The following TRIM29 variants were observed in gnomAD, a reference collection of about 807,000 sequenced individuals.
TRIM29 encodes tripartite motif-containing protein 29.
Under a neutral mutation model 57.3 loss-of-function variants are expected in TRIM29, and 52 were observed. The ratio of observed to expected loss-of-function variants is 0.91; its 90% confidence interval spans 0.73 to 1.14. TRIM29 has a LOEUF of 1.14. TRIM29 is among the 50% of genes most tolerant of loss of function. The pLI is 0.00. For synonymous variants in TRIM29, 319 were observed against 316.9 expected, an observed-to-expected ratio of 1.01 and a Z score of -0.07; for missense variants, 753 against 774.6, an observed-to-expected ratio of 0.97 and a Z score of 0.33.
chr11:120,125,914 A>T (rs963127980), intron 3 of TRIM29, 25 bp from the exon 4 acceptor site: 3 of 1,607,278 alleles, frequency 1.9e-6, no homozygotes, highest in Non-Finnish European at 2.6e-6. Context: ...AAGAACCATT[A>T]ACTGCCTGGG....
chr11:120,136,933 C>T (rs1414582719), intron 1 of TRIM29, among the ~76,000 whole-genome samples: 6 of 152,174 alleles, frequency 3.9e-5, no homozygotes, highest in Non-Finnish European at 7.3e-5. Context: ...TAACCTGACT[C>T]GAATTTATCC....
In TRIM29 at chr11:120,118,222, C is replaced by A; in HGVS notation, c.1627+1G>T. ...GCAGGGGCCAGGGTGGGCAAGCTCA[C>A]CTTTCAGGGAGAAGGAGGAGCTGCC... On this transcript the variant is annotated splice_donor_variant, in intron 7 of 8. Coordinates refer to ENST00000341846, the MANE Select transcript of TRIM29 (RefSeq NM_012101.4). LOFTEE classifies it high-confidence loss of function. 1 of 1,613,822 alleles carries A rather than the reference C, an allele frequency of 6.2e-7. No individual in the cohort carries two copies. The highest frequency in any genetic ancestry group is 8.5e-7 in the Non-Finnish European group (1 of 1,179,866).
At chr11:120,121,546 G>C (rs962257896) in intron 5 of TRIM29, 1 of 155,554 alleles carries the variant, frequency 6.4e-6, no homozygotes, top group African/African-American at 2.4e-5. Flanking sequence ...GGGATGCCGG[G>C]GGAACCTGTT....
At position 120,137,805 on chromosome 11, in the gene TRIM29, C is replaced by T. The variant is rs141867333; in HGVS notation, c.227G>A (p.Arg76Gln). The change falls in exon 1 of 9, where the codon CGG becomes CAG. Residue 76 changes from arginine to glutamine, a missense_variant. Physicochemically the swap from Arg to Gln is conservative, Grantham distance 43. Transcript: ENST00000341846. The surrounding 1 kb of genome is among the most constrained non-coding windows in gnomAD (Gnocchi z 6.2). ...RSALFAGNEW[R>Q]RPIIQFVESG... is the part of the protein sequence containing the mutation. ...CTCGACAAACTGGATGATGGGTCGC[C>T]GCCACTCATTGCCCGCGAACAGGGC... The T allele has an allele frequency of 1.9e-6, 3 of 1,612,480 alleles. No homozygotes were observed. The highest frequency in any genetic ancestry group is 2.5e-6 in the Non-Finnish European group (3 of 1,180,006).
rs201927870 is a variant in TRIM29, at chr11:120,115,300, T to C, written c.1704+38A>G. 1.0e-4 allele frequency: 162 copies of C among 1,600,642 alleles called. No homozygotes were observed. The East Asian group carries it at 2.7e-3, about 27-fold the overall frequency. On this transcript the variant is annotated intron_variant, in intron 8 of 8. Transcript: ENST00000341846. ...GAGCCCCCTTCAGTGCCCAGGTCTC[T>C]GGATGTGCCCAGGCCCTCCCGGCAG...
chr11:120,115,496 C>T (rs753379675), intron 7 of TRIM29, 82 bp from the exon 8 acceptor site: 30 of 1,200,868 alleles, frequency 2.5e-5, no homozygotes, highest in Non-Finnish European at 3.1e-5. Context: ...CAGCTGCCTT[C>T]TCCAAAGTGA....
In TRIM29 at chr11:120,137,606, G is replaced by A; in HGVS notation, c.426C>T (p.Ile142=). 2 of 1,613,568 alleles carry A rather than the reference G, an allele frequency of 1.2e-6. No individual in the cohort carries two copies. The highest frequency in any genetic ancestry group is 1.7e-6 in the Non-Finnish European group (2 of 1,179,992). The change falls in exon 1 of 9, where the codon ATC becomes ATT. Residue 142 remains isoleucine (I), a synonymous_variant. Transcript: ENST00000341846. This position sits in a 1 kb window ranked among gnomAD's most constrained non-coding sequence, Gnocchi z 6.2. Reference sequence around the variant, plus strand: ...TCCGCCGGGTCTCCCCGGGCTCCATGATGGACACCGTGGGCTTCCGGGACT... The same window carrying A: ...TCCGCCGGGTCTCCCCGGGCTCCATAATGGACACCGTGGGCTTCCGGGACT... ...FSESRKPTVS[I]MEPGETRRNS...
At chr11:120,122,535 G>A (rs1001513172) in intron 5 of TRIM29, among the ~76,000 whole-genome samples, 10 of 152,134 alleles carry the variant, frequency 6.6e-5, no homozygotes, top group Non-Finnish European at 1.5e-4. Context: ...ATGGTCCTGG[G>A]GTCGGCAGCC....
At position 120,118,263 on chromosome 11, in the gene TRIM29, G is replaced by T. The variant is rs775344837; in HGVS notation, c.1587C>A (p.Asp529Glu). 2.5e-6 allele frequency: 4 copies of T among 1,614,070 alleles called. No homozygotes were observed. The Admixed American group carries it at 5.0e-5, about 20-fold the overall frequency. The change falls in exon 7 of 9, where the codon GAC (aspartate) becomes GAA (glutamate). Residue 529 changes from aspartate to glutamate, a missense_variant. Coordinates refer to ENST00000341846, the MANE Select transcript of TRIM29 (RefSeq NM_012101.4). Reference sequence around the variant, plus strand: ...AGGAGCTGCCTTGGACGACGGGCAGGTCATTGTCAGAGTTCTGAATGCTGG... The same window carrying T: ...AGGAGCTGCCTTGGACGACGGGCAGTTCATTGTCAGAGTTCTGAATGCTGG... ...YSSSIQNSDN[D>E]LPVVQGSSSF...
At chr11:120,123,662 C>G (rs2135005091) in intron 4 of TRIM29, 1 of 353,238 alleles carries the variant, frequency 2.8e-6, no homozygotes, top group Non-Finnish European at 5.6e-6. Context: ...CTGCTCGACA[C>G]TTGACTTCCC....
At position 120,137,493 on chromosome 11, in the gene TRIM29, T is replaced by C. The variant is rs766745521; in HGVS notation, c.539A>G (p.Lys180Arg). The change falls in exon 1 of 9, where the codon AAG becomes AGG. Residue 180 changes from lysine to arginine, a missense_variant. Lys to Arg is a conservative substitution (Grantham distance 26). Coordinates refer to ENST00000341846, the MANE Select transcript of TRIM29 (RefSeq NM_012101.4). The surrounding 1 kb of genome is among the most constrained non-coding windows in gnomAD (Gnocchi z 6.2). Reference sequence around the variant, plus strand: ...CAGGCAGGACTTGACCGCCTTCTGCTTGTTGCCGATGCAGGAGTCGCACAG... The same window carrying C: ...CAGGCAGGACTTGACCGCCTTCTGCCTGTTGCCGATGCAGGAGTCGCACAG... ...EVLCDSCIGNKQKAVKSCLVC... is the reference protein window; with the variant it reads ...EVLCDSCIGNRQKAVKSCLVC... 2.5e-6 allele frequency: 4 copies of C among 1,602,496 alleles called. No individual in the cohort carries two copies. The highest frequency in any genetic ancestry group is 4.5e-5 in the East Asian group (2 of 44,796).
In TRIM29 at chr11:120,137,613, AC is replaced by A. The variant is rs760535127; in HGVS notation, c.418del (p.Val140CysfsTer119). On this transcript the variant is annotated frameshift_variant, in exon 1 of 9. Transcript: ENST00000341846. LOFTEE classifies it high-confidence loss of function. This position sits in a 1 kb window ranked among gnomAD's most constrained non-coding sequence, Gnocchi z 6.2. ...SIFSESRKPT[V>X]SIMEPGETRR... Reference sequence around the variant, plus strand: ...GGTCTCCCCGGGCTCCATGATGGACACCGTGGGCTTCCGGGACTCCGAGAAA... The same window carrying A: ...GGTCTCCCCGGGCTCCATGATGGACACGTGGGCTTCCGGGACTCCGAGAAA... The A allele has an allele frequency of 1.3e-5, 21 of 1,613,418 alleles. No individual in the cohort carries two copies. Among genetic ancestry groups the A allele is most frequent in the Non-Finnish European group, 1.8e-5 (21 of 1,179,930 alleles).
intron 8 of TRIM29, 71 bp downstream of exon 8, chr11:120,115,267 C>A: frequency 6.8e-7 from 1 of 1,480,880 alleles, no homozygotes; most frequent in Non-Finnish European, 9.3e-7. Context: ...GAACCGATTG[C>A]CTCCAGGGAG....
Position 120,127,934 on chromosome 11 carries a change from A to G in TRIM29, c.901-365T>C, listed in dbSNP as rs769241217. On this transcript the variant is annotated intron_variant, in intron 2 of 8. Coordinates refer to ENST00000341846, the MANE Select transcript of TRIM29 (RefSeq NM_012101.4). ...TCAGAAAATGAATGTATATGTAGAAATGTGTATTCAGAAAATGAATGTGTA... is the reference window on the plus strand; with the variant it reads ...TCAGAAAATGAATGTATATGTAGAAGTGTGTATTCAGAAAATGAATGTGTA... Among the ~76,000 whole-genome samples the G allele has an allele frequency of 8.3e-4, 127 of 152,178 alleles. 1 individual carries two copies. The highest frequency in any genetic ancestry group is 1.6e-3 in the Non-Finnish European group (106 of 68,036).
chr11:120,127,752 C>T (rs1411200741), intron 2 of TRIM29, among the ~76,000 whole-genome samples, 183 bp from the exon 3 acceptor site: 1 of 152,064 alleles, frequency 6.6e-6, no homozygotes, highest in African/African-American at 2.4e-5. Context: ...CACCTACTGA[C>T]AGAGATAGCC....
chr11:120,127,216 G>A (rs905437679), intron 3 of TRIM29, 120 bp downstream of exon 3: 2 of 810,908 alleles, frequency 2.5e-6, no homozygotes, highest in African/African-American at 3.4e-5. Context: ...CTGGATGGTG[G>A]ATGAACAGAT....
At chr11:120,125,647 G>C in intron 4 of TRIM29, 44 bp downstream of exon 4, 1 of 1,602,650 alleles carries the variant, frequency 6.2e-7, no homozygotes, top group African/African-American at 1.3e-5. Context: ...ATTTGGGAGA[G>C]AAAGGTCTAT....
At chr11:120,114,142 C>T (rs1210075806) in intron 8 of TRIM29, among the ~76,000 whole-genome samples, 5 of 152,188 alleles carry the variant, frequency 3.3e-5, no homozygotes, top group Admixed American at 3.3e-4. Flanking sequence ...TCCACTCTCC[C>T]AGTGCTGGGT....
At chr11:120,115,232 C>T in intron 8 of TRIM29, 106 bp downstream of exon 8, 1 of 1,110,564 alleles carries the variant, frequency 9.0e-7, no homozygotes, top group Non-Finnish European at 1.3e-6. Flanking sequence ...CCCCATGGCC[C>T]AGAGAAGTCC....
Sources: allele counts gnomAD v4.1 joint callset (sites outside exome capture counted in the v4.1 genomes callset), GRCh38; gene constraint gnomAD v4.1.1; non-coding constraint Gnocchi (gnomAD v3.1); transcripts MANE v1.5; gene names NCBI Gene and HGNC (gene_info 2026-07-23, HGNC 2026-07-21).